ATF7: variants seen among roughly 807,000 people sequenced by gnomAD.
The protein encoded by ATF7 is activating transcription factor 7.
Under a neutral mutation model 50.4 loss-of-function variants are expected in ATF7, and 10 were observed. That is an observed-to-expected ratio of 0.20 (90% CI 0.12 to 0.34). The LOEUF (loss-of-function observed/expected upper bound fraction) is 0.34, where lower values mean the gene tolerates loss of function less well. Ranked by LOEUF, ATF7 falls within the 10% of genes least tolerant of loss-of-function variation. The pLI is 1.00. For missense variants in ATF7, 465 were observed against 613.9 expected (o/e 0.76, Z 2.56); for synonymous variants, 201 against 226.4 (o/e 0.89, Z 1.01).
At chr12:53,617,515 G>A (rs1243601969) in intron 1 of ATF7, among the ~76,000 whole-genome samples, 2 of 152,130 alleles carry the variant, frequency 1.3e-5, no homozygotes, top group African/African-American at 2.4e-5. Context: ...TGTAATCCCA[G>A]CTACTCGGGA....
downstream of ATF7, among the ~76,000 whole-genome samples, chr12:53,509,192 C>T (rs552416952): frequency 6.6e-6 from 1 of 152,282 alleles, no homozygotes; most frequent in South Asian, 2.1e-4. Flanking sequence ...GCCCATTTTA[C>T]AAGGAACGCC....
intron 1 of ATF7, among the ~76,000 whole-genome samples, chr12:53,611,900 T>C (rs1288770880): frequency 6.6e-6 from 1 of 152,050 alleles, no homozygotes; most frequent in Non-Finnish European, 1.5e-5. Context: ...AGCCAGTTTT[T>C]ACATTTTTTC....
At chr12:53,595,773 TC>T (rs1170720613) in intron 2 of ATF7, among the ~76,000 whole-genome samples, 1 of 152,130 alleles carries the variant, frequency 6.6e-6, no homozygotes, top group Non-Finnish European at 1.5e-5. Context: ...CAACTAGGGC[TC>T]CATCACTATT....
chr12:53,538,038 T>C (rs1198766947), intron 4 of ATF7, among the ~76,000 whole-genome samples: 1 of 152,198 alleles, frequency 6.6e-6, no homozygotes, highest in Non-Finnish European at 1.5e-5. Flanking sequence ...TTATGTTTTA[T>C]GTACAATTCT....
chr12:53,571,278 T>C (rs1380434676), intron 2 of ATF7, among the ~76,000 whole-genome samples: 1 of 152,120 alleles, frequency 6.6e-6, no homozygotes, highest in Non-Finnish European at 1.5e-5. Flanking sequence ...CTTGGTGGGC[T>C]TTTGGTCTCC....
intron 2 of ATF7, among the ~76,000 whole-genome samples, chr12:53,555,526 G>T (rs1409544023): frequency 8.8e-6 from 1 of 113,994 alleles, no homozygotes; most frequent in African/African-American, 3.4e-5. Context: ...TTTGTGAGAC[G>T]GAGTCTCGCT....
intron 2 of ATF7, among the ~76,000 whole-genome samples, chr12:53,554,501 T>G (rs1328902075): frequency 6.6e-6 from 1 of 151,644 alleles, no homozygotes; most frequent in Non-Finnish European, 1.5e-5. Flanking sequence ...GAGGCTGAGG[T>G]GGGGGGAGCC....
intron 2 of ATF7, among the ~76,000 whole-genome samples, chr12:53,556,507 G>T (rs1372282076): frequency 6.6e-6 from 1 of 152,214 alleles, no homozygotes; most frequent in African/African-American, 2.4e-5. Flanking sequence ...GCCAGGTGCA[G>T]AATGGCTTGA....
chr12:53,582,168 G>T (rs1410636332), intron 2 of ATF7, among the ~76,000 whole-genome samples: 2 of 151,340 alleles, frequency 1.3e-5, no homozygotes, highest in Non-Finnish European at 3.0e-5. Flanking sequence ...AATACAAAAA[G>T]AAATAAAAAA....
intron 1 of ATF7, among the ~76,000 whole-genome samples, chr12:53,623,412 C>T (rs986991669): frequency 3.3e-5 from 5 of 152,198 alleles, no homozygotes; most frequent in African/African-American, 4.8e-5. Context: ...ACTCCAAAAT[C>T]GTAGGACCAT....
intron 2 of ATF7, among the ~76,000 whole-genome samples, chr12:53,559,008 G>A (rs941086268): frequency 1.3e-5 from 2 of 151,844 alleles, no homozygotes; most frequent in South Asian, 2.1e-4. Flanking sequence ...TGGGCTGGGC[G>A]CAGTGGCTCA....
Position 53,532,589 on chromosome 12 carries a change from G to A in ATF7, c.695C>T (p.Pro232Leu). The A allele has an allele frequency of 1.2e-6, 2 of 1,608,980 alleles. No individual in the cohort carries two copies. Among genetic ancestry groups the A allele is most frequent in the African/African-American group, 1.3e-5 (1 of 74,864 alleles). Residue 232 changes from proline (P) to leucine (L), a missense_variant, in exon 8 of 12, where the codon CCT becomes CTT. Physicochemically the swap from Pro to Leu is moderately conservative, Grantham distance 98 (BLOSUM62 -3). Coordinates refer to ENST00000420353, the MANE Select transcript of ATF7 (RefSeq NM_006856.3). ...GTTAACTGGTGGGCCAGGGATACCA[G>A]GAATGTTGGGCACCATGGACACAGG... ...ARPVSMVPNI[P>L]GIPGPPVNSS...
intron 2 of ATF7, among the ~76,000 whole-genome samples, chr12:53,565,017 C>A (rs915665592): frequency 6.6e-6 from 1 of 151,956 alleles, no homozygotes; most frequent in Non-Finnish European, 1.5e-5. Context: ...ATTATACAGA[C>A]CAATGGTATA....
chr12:53,560,217 C>A (rs1157560665), intron 2 of ATF7, among the ~76,000 whole-genome samples: 1 of 151,922 alleles, frequency 6.6e-6, no homozygotes, highest in South Asian at 2.1e-4. Context: ...CCACCGCACC[C>A]GGCCTCCTCT....
chr12:53,563,813 A>C (rs1941290358), intron 2 of ATF7, among the ~76,000 whole-genome samples: 1 of 152,226 alleles, frequency 6.6e-6, no homozygotes, highest in African/African-American at 2.4e-5. Context: ...CTCAGACCTT[A>C]ACATGGCACA....
chr12:53,610,748 CATGAA>C (rs1245761477), intron 1 of ATF7, among the ~76,000 whole-genome samples: 1 of 152,000 alleles, frequency 6.6e-6, no homozygotes. Flanking sequence ...TGTCCCGAAA[CATGAA>C]TTTGAGGGGC....
At position 53,555,398 on chromosome 12, in the gene ATF7, G is replaced by A. The variant is rs140748615; in HGVS notation, c.49-2761C>T. Among the ~76,000 whole-genome samples, 447 of 151,692 alleles carry A rather than the reference G, an allele frequency of 2.9e-3. 3 individuals are homozygous for A. The highest frequency in any genetic ancestry group is 0.01 in the African/African-American group (428 of 41,360). On this transcript the variant is annotated intron_variant, in intron 2 of 11. Coordinates refer to ENST00000420353, the MANE Select transcript of ATF7 (RefSeq NM_006856.3). ...TTAACCAGGGGTATGATATTTGTAGGTTAAACAAGTCACTGTAGAGGGTCT... is the reference window on the plus strand; with the variant it reads ...TTAACCAGGGGTATGATATTTGTAGATTAAACAAGTCACTGTAGAGGGTCT...
chr12:53,522,212 A>G (rs1490367127), intron 11 of ATF7, among the ~76,000 whole-genome samples: 2 of 152,218 alleles, frequency 1.3e-5, no homozygotes, highest in Non-Finnish European at 2.9e-5. Context: ...ATCCCAATGT[A>G]TCATCTGTGG....
In ATF7 at chr12:53,594,730, A is replaced by C. The variant is rs530042569; in HGVS notation, c.48+6223T>G. Among the ~76,000 whole-genome samples, 9 of 152,234 alleles carry C rather than the reference A, an allele frequency of 5.9e-5. No individual in the cohort carries two copies. The East Asian group carries it at 1.4e-3, about 23-fold the overall frequency. ...TGGCGACACCCCATTTCTACTAAAA[A>C]ATACAAAAATTAGCCAGGTATGGTG... On this transcript the variant is annotated intron_variant, in intron 2 of 11. Transcript: ENST00000420353.
Sources: allele counts gnomAD v4.1 joint callset (sites outside exome capture counted in the v4.1 genomes callset), GRCh38; gene constraint gnomAD v4.1.1; transcripts MANE v1.5; gene names NCBI Gene and HGNC (gene_info 2026-07-23, HGNC 2026-07-21).